HAMP: variants seen among roughly 807,000 people sequenced by gnomAD.
HAMP encodes hepcidin antimicrobial peptide.
HAMP carries 5 observed loss-of-function variants against 7.8 expected under a neutral mutation model. That is an observed-to-expected ratio of 0.64 (90% CI 0.33 to 1.34). The LOEUF (loss-of-function observed/expected upper bound fraction) is 1.34. Ranked by LOEUF, HAMP falls within the 40% of genes most tolerant of loss-of-function variation. HAMP has a pLI of 0.05. For synonymous variants in HAMP, 52 were observed against 38.6 expected, an observed-to-expected ratio of 1.35 and a Z score of -1.28; for missense variants, 105 against 104.1, an observed-to-expected ratio of 1.01 and a Z score of -0.04.
At position 35,284,855 on chromosome 19, in the gene HAMP, G is replaced by T; in HGVS notation, c.150+7G>T. 1 of 1,612,612 alleles carries T rather than the reference G, an allele frequency of 6.2e-7. No individual in the cohort carries two copies. Among genetic ancestry groups the T allele is most frequent in the East Asian group, 2.2e-5 (1 of 44,872 alleles). On this transcript the variant is annotated splice_region_variant and intron_variant, in intron 2 of 2. Transcript: ENST00000222304. ...AGCCAGGGCCAGCTGGATGGTGAGCGCAACAGTGATGCCTTTCCTAGCCCC... is the reference window on the plus strand; with the variant it reads ...AGCCAGGGCCAGCTGGATGGTGAGCTCAACAGTGATGCCTTTCCTAGCCCC...
At position 35,282,677 on chromosome 19, in the gene HAMP, C is replaced by A. The variant is rs754172113; in HGVS notation, c.90+10C>A. ...TGTTTTCCCACAACAGGTGAGAGCC[C>A]AGTGGCCTGGGTCCTTAGCAGGGCA... On this transcript the variant is annotated intron_variant, in intron 1 of 2. Coordinates refer to ENST00000222304, the MANE Select transcript of HAMP (RefSeq NM_021175.4). 1.9e-6 allele frequency: 3 copies of A among 1,606,694 alleles called. No homozygotes were observed. The East Asian group carries it at 6.7e-5, about 36-fold the overall frequency.
rs770745939 is a variant in HAMP, at chr19:35,282,642, C to T, written c.65C>T (p.Thr22Ile). The T allele has an allele frequency of 9.3e-6, 15 of 1,613,938 alleles. No individual in the cohort carries two copies. The East Asian group carries it at 2.7e-4, about 29-fold the overall frequency. ...CTCCTCCTCCTCCTCGCCAGCCTGA[C>T]CAGTGGCTCTGTTTTCCCACAACAG... The part of the protein sequence containing the change: ...LLLLLLLASL[T>I]SGSVFPQQTG... The change falls in exon 1 of 3, where the codon ACC becomes ATC. Residue 22 changes from threonine to isoleucine, a missense_variant. Coordinates refer to ENST00000222304, the MANE Select transcript of HAMP (RefSeq NM_021175.4).
In HAMP at chr19:35,282,604, C is replaced by G. The variant is rs201371612; in HGVS notation, c.27C>G (p.Ala9=). The part of the protein sequence containing the change: MALSSQIW[A]ACLLLLLLLA... ...TGGCACTGAGCTCCCAGATCTGGGC[C>G]GCTTGCCTCCTGCTCCTCCTCCTCC... Residue 9 remains alanine, a synonymous_variant, in exon 1 of 3, where the codon GCC becomes GCG. Transcript: ENST00000222304. 1.4e-5 allele frequency: 23 copies of G among 1,614,124 alleles called. No homozygotes were observed. Among genetic ancestry groups the G allele is most frequent in the South Asian group, 3.3e-5 (3 of 91,088 alleles).
intron 1 of HAMP, 195 bp from the exon 2 acceptor site, chr19:35,284,594 C>T (rs965680113): frequency 4.7e-5 from 28 of 598,664 alleles, no homozygotes; most frequent in Middle Eastern, 8.8e-4. Flanking sequence ...GAGGAGGAGG[C>T]GGATCTGGGA....
At chr19:35,282,701 C>A in intron 1 of HAMP, 34 bp downstream of exon 1, 2 of 1,523,650 alleles carry the variant, frequency 1.3e-6, no homozygotes, top group Non-Finnish European at 1.8e-6. Flanking sequence ...CTTAGCAGGG[C>A]AGCAGGGATG....
At chr19:35,284,878 C>T (rs200475084) in intron 2 of HAMP, 30 bp downstream of exon 2, 6 of 1,607,296 alleles carry the variant, frequency 3.7e-6, no homozygotes, top group East Asian at 2.2e-5. Flanking sequence ...CTTTCCTAGC[C>T]CCCTGCTCCC....
intron 1 of HAMP, chr19:35,284,505 G>C: frequency 1.8e-6 from 1 of 560,210 alleles, no homozygotes; most frequent in East Asian, 3.0e-5. Context: ...CAAGAATGCA[G>C]GGAGGTGTGT....
At position 35,284,857 on chromosome 19, in the gene HAMP, AAC is replaced by A; in HGVS notation, c.150+11_150+12del. On this transcript the variant is annotated intron_variant, in intron 2 of 2. Transcript: ENST00000222304. ...CCAGGGCCAGCTGGATGGTGAGCGC[AAC>A]AGTGATGCCTTTCCTAGCCCCCTGC... 6.2e-7 allele frequency: 1 copy of A among 1,612,636 alleles called. No individual in the cohort carries two copies. Among genetic ancestry groups the A allele is most frequent in the Admixed American group, 1.7e-5 (1 of 59,994 alleles).
At chr19:35,284,475 G>A (rs1046433352) in intron 1 of HAMP, 3 of 507,348 alleles carry the variant, frequency 5.9e-6, no homozygotes, top group African/African-American at 5.8e-5. Flanking sequence ...ACTCTGCTGT[G>A]TGGCAAATGG....
intron 1 of HAMP, chr19:35,284,514 G>T: frequency 3.5e-6 from 2 of 569,838 alleles, no homozygotes; most frequent in Non-Finnish European, 6.3e-6. Context: ...AGGGAGGTGT[G>T]TTAGGAGGCT....
chr19:35,283,200 C>T (rs751535167), intron 1 of HAMP: 14 of 181,082 alleles, frequency 7.7e-5, no homozygotes, highest in Admixed American at 3.2e-4. Flanking sequence ...ACAGTGGGGA[C>T]GAGGCCATGA....
At chr19:35,284,718 G>A (rs1480337616) in intron 1 of HAMP, 71 bp from the exon 2 acceptor site, 30 of 1,159,926 alleles carry the variant, frequency 2.6e-5, no homozygotes, top group Admixed American at 1.5e-4. Flanking sequence ...AGAGGAGCAG[G>A]TTGCCGGGAG....
Position 35,285,103 on chromosome 19 carries a change from T to C in HAMP, c.*61T>C, listed in dbSNP as rs531617400. Reference sequence around the variant, plus strand: ...TATTTATTCCTGCTGCCCCAGAACATAGGTCTTGGAATAAAATGGCTGGTT... The same window carrying C: ...TATTTATTCCTGCTGCCCCAGAACACAGGTCTTGGAATAAAATGGCTGGTT... On this transcript the variant is annotated 3_prime_UTR_variant, in exon 3 of 3. Coordinates refer to ENST00000222304, the MANE Select transcript of HAMP (RefSeq NM_021175.4). 1.2e-5 allele frequency: 13 copies of C among 1,069,416 alleles called. No individual in the cohort carries two copies. Among genetic ancestry groups the C allele is most frequent in the African/African-American group, 6.2e-5 (4 of 64,664 alleles). 66.2% of individuals were successfully genotyped at this position (1,069,416 alleles called of 1,614,324 possible). A position where few individuals can be genotyped will look rare whatever the true frequency, so the allele number is the denominator to read the frequency against.
At position 35,285,063 on chromosome 19, in the gene HAMP, G is replaced by A. The variant is rs372330392; in HGVS notation, c.*21G>A. On this transcript the variant is annotated 3_prime_UTR_variant, in exon 3 of 3. Coordinates refer to ENST00000222304, the MANE Select transcript of HAMP (RefSeq NM_021175.4). ...CGTAGAACCTACCTGCCCTGCCCCC[G>A]TCCCCTCCCTTCCTTATTTATTCCT... The A allele has an allele frequency of 1.5e-5, 21 of 1,439,544 alleles. No individual in the cohort carries two copies. Among genetic ancestry groups the A allele is most frequent in the Admixed American group, 3.3e-5 (2 of 59,792 alleles). 89.2% of individuals were successfully genotyped at this position (1,439,544 alleles called of 1,614,324 possible).
intron 1 of HAMP, chr19:35,283,750 T>C (rs1457174786): frequency 1.3e-5 from 2 of 151,058 alleles, no homozygotes; most frequent in Non-Finnish European, 1.5e-5. Context: ...TGGGCAACCA[T>C]GCAGACACTG....
In HAMP at chr19:35,285,037, A is replaced by G; in HGVS notation, c.250A>G (p.Thr84Ala). ...ATCAAAGTGTGGGATGTGCTGCAAG[A>G]CGTAGAACCTACCTGCCCTGCCCCC... ...HRSKCGMCCK[T>A] is the part of the protein sequence containing the mutation. The change falls in exon 3 of 3, where the codon ACG (threonine) becomes GCG (alanine). Residue 84 changes from threonine (T) to alanine (A), a missense_variant. Transcript: ENST00000222304. 2 of 1,604,972 alleles carry G rather than the reference A, an allele frequency of 1.2e-6. No homozygotes were observed. Among genetic ancestry groups the G allele is most frequent in the South Asian group, 1.1e-5 (1 of 90,892 alleles).
chr19:35,284,893 C>T (rs1032745541), intron 2 of HAMP, 45 bp downstream of exon 2: 3 of 1,605,434 alleles, frequency 1.9e-6, no homozygotes, highest in Non-Finnish European at 2.6e-6. Flanking sequence ...GCTCCCTCCC[C>T]ATGCTAAGGC....
chr19:35,282,577 G>C lies in HAMP; in HGVS notation c.-1G>C, dbSNP rs149146279. On this transcript the variant is annotated 5_prime_UTR_variant, in exon 1 of 3. Transcript: ENST00000222304. ...AGTGGGACAGCCAGACAGACGGCAC[G>C]ATGGCACTGAGCTCCCAGATCTGGG... The C allele has an allele frequency of 1.2e-6, 2 of 1,613,406 alleles. No homozygotes were observed. Among genetic ancestry groups the C allele is most frequent in the Non-Finnish European group, 1.7e-6 (2 of 1,179,356 alleles).
chr19:35,282,852 T>G (rs565099642), intron 1 of HAMP, 185 bp downstream of exon 1: 1 of 606,582 alleles, frequency 1.6e-6, no homozygotes, highest in Non-Finnish European at 3.0e-6. Context: ...CTTTGGGAGG[T>G]TGAGGCAGGC....
Sources: allele counts gnomAD v4.1 joint callset, GRCh38; gene constraint gnomAD v4.1.1; transcripts MANE v1.5; gene names NCBI Gene and HGNC (gene_info 2026-07-23, HGNC 2026-07-21).